The following ASXL3 variants were observed in gnomAD, a reference collection of about 807,000 sequenced individuals.
The protein encoded by ASXL3 is putative Polycomb group protein ASXL3.
ASXL3 carries 34 observed loss-of-function variants against 170.6 expected under a neutral mutation model. The ratio of observed to expected loss-of-function variants is 0.20; its 90% CI spans 0.15 to 0.27. The LOEUF is 0.27. Ranked by LOEUF, ASXL3 falls within the 10% of genes least tolerant of loss-of-function variation. ASXL3 has a pLI of 1.00. For missense variants in ASXL3, 2,592 were observed against 2,695.3 expected (o/e 0.96, Z 0.85); for synonymous variants, 1,002 against 989.1 (o/e 1.01, Z -0.24).
chr18:33,614,534 C>G (rs1413515695), intron 2 of ASXL3: 1 of 152,164 alleles, frequency 6.6e-6, no homozygotes, highest in Admixed American at 6.6e-5. Context: ...TCCTGTGAAT[C>G]ATGAATGTTC....
intron 1 of ASXL3, among the ~76,000 whole-genome samples, chr18:33,602,818 CAT>C (rs1401685030): frequency 7.9e-6 from 1 of 126,050 alleles, no homozygotes; most frequent in Non-Finnish European, 1.7e-5. Context: ...AATAAAATAA[CAT>C]ATGTTGTGTG....
chr18:33,617,312 T>C (rs1362513813), intron 2 of ASXL3, among the ~76,000 whole-genome samples: 1 of 151,996 alleles, frequency 6.6e-6, no homozygotes, highest in Non-Finnish European at 1.5e-5. Flanking sequence ...GCCAACACGG[T>C]GAAACCCATC....
chr18:33,666,599 G>T lies in ASXL3; in HGVS notation c.478-4074G>T, dbSNP rs548170646. ...GATAATCACAAGTTAATTTGCAGAT[G>T]ATTTCTATTATATATGTAGCATAAA... On this transcript the variant is annotated intron_variant, in intron 5 of 11. Transcript: ENST00000269197. Among the ~76,000 whole-genome samples the T allele has an allele frequency of 2.0e-5, 3 of 152,264 alleles. No individual in the cohort carries two copies. In the East Asian group the frequency reaches 5.8e-4, roughly 30 times the overall value.
In ASXL3 at chr18:33,698,221, T is replaced by TA. The variant is rs2066807023; in HGVS notation, c.879+14654dup. Among the ~76,000 whole-genome samples, 4 of 152,244 alleles carry TA rather than the reference T, an allele frequency of 2.6e-5. No homozygotes were observed. The East Asian group carries it at 7.8e-4, about 30-fold the overall frequency. On this transcript the variant is annotated intron_variant, in intron 8 of 11. Coordinates refer to ENST00000269197, the MANE Select transcript of ASXL3 (RefSeq NM_030632.3). ...AGGCCTGCCTGGACTTTCTTTCTCT[T>TA]ATGCCAAGTGAGGACACAGCAACGT...
chr18:33,632,010 G>C (rs1332663175), intron 2 of ASXL3, among the ~76,000 whole-genome samples: 1 of 152,050 alleles, frequency 6.6e-6, no homozygotes, highest in Non-Finnish European at 1.5e-5. Context: ...TTATGTTCAG[G>C]AGTTGGTATA....
At chr18:33,724,279 T>G (rs2145379069) in intron 8 of ASXL3, among the ~76,000 whole-genome samples, 1 of 152,222 alleles carries the variant, frequency 6.6e-6, no homozygotes, top group East Asian at 1.9e-4. Flanking sequence ...CAAAGAATTG[T>G]TTCCTTCAGT....
chr18:33,638,006 G>A (rs933847993), intron 2 of ASXL3, among the ~76,000 whole-genome samples: 4 of 151,886 alleles, frequency 2.6e-5, no homozygotes, highest in Non-Finnish European at 5.9e-5. Flanking sequence ...CATAAATAGA[G>A]TGCTCAATAA....
intron 4 of ASXL3, among the ~76,000 whole-genome samples, chr18:33,659,666 T>C (rs1451399745): frequency 1.3e-5 from 2 of 152,118 alleles, no homozygotes; most frequent in Non-Finnish European, 2.9e-5. Flanking sequence ...TCTTGATAAA[T>C]AAGCTTTGGC....
intron 8 of ASXL3, among the ~76,000 whole-genome samples, chr18:33,699,706 A>G (rs1234267198): frequency 1.3e-5 from 2 of 152,096 alleles, no homozygotes; most frequent in Non-Finnish European, 2.9e-5. Flanking sequence ...CAATGGAACA[A>G]CAAAATGGAG....
intron 8 of ASXL3, among the ~76,000 whole-genome samples, chr18:33,695,720 C>T (rs2145314127): frequency 6.6e-6 from 1 of 152,208 alleles, no homozygotes. Context: ...ACCTGAATAA[C>T]ATACTATTCT....
intron 5 of ASXL3, among the ~76,000 whole-genome samples, chr18:33,667,936 CA>C (rs2066284496): frequency 1.3e-5 from 2 of 152,180 alleles, no homozygotes; most frequent in Admixed American, 6.5e-5. Context: ...ATATAAATAA[CA>C]AAAAATGATA....
chr18:33,629,709 C>T (rs1231185038), intron 2 of ASXL3, among the ~76,000 whole-genome samples: 1 of 151,950 alleles, frequency 6.6e-6, no homozygotes, highest in Non-Finnish European at 1.5e-5. Flanking sequence ...TCAAATAATG[C>T]ACAGGAAATC....
intron 7 of ASXL3, among the ~76,000 whole-genome samples, chr18:33,682,722 A>T (rs1324092741): frequency 6.6e-6 from 1 of 152,028 alleles, no homozygotes; most frequent in Non-Finnish European, 1.5e-5. Flanking sequence ...AATTAAAAAA[A>T]ATTTTTGTGT....
rs1176327549 is a variant in ASXL3, at chr18:33,615,785, A to G, written c.137+8109A>G. Among the ~76,000 whole-genome samples, 2 of 152,114 alleles carry G rather than the reference A, an allele frequency of 1.3e-5. 1 individual carries two copies. Among genetic ancestry groups the G allele is most frequent in the African/African-American group, 4.8e-5 (2 of 41,418 alleles). On this transcript the variant is annotated intron_variant, in intron 2 of 11. Coordinates refer to ENST00000269197, the MANE Select transcript of ASXL3 (RefSeq NM_030632.3). ...TTCTAGTTAGATGGTATCTGGATAAATCTATTATATAATACTCTGATACTA... is the reference window on the plus strand; with the variant it reads ...TTCTAGTTAGATGGTATCTGGATAAGTCTATTATATAATACTCTGATACTA...
intron 8 of ASXL3, among the ~76,000 whole-genome samples, chr18:33,709,507 G>T (rs965056983): frequency 2.0e-5 from 3 of 152,152 alleles, no homozygotes; most frequent in African/African-American, 7.2e-5. Flanking sequence ...CAAATACAAT[G>T]TTGAGCATAA....
chr18:33,708,015 G>A (rs977428854), intron 8 of ASXL3, among the ~76,000 whole-genome samples: 1 of 152,116 alleles, frequency 6.6e-6, no homozygotes, highest in Non-Finnish European at 1.5e-5. Flanking sequence ...TCATGTAAAT[G>A]CAGTTTGCTA....
chr18:33,649,134 A>G (rs1264052950), intron 4 of ASXL3, among the ~76,000 whole-genome samples: 1 of 152,102 alleles, frequency 6.6e-6, no homozygotes, highest in Non-Finnish European at 1.5e-5. Context: ...ATGGGAAACA[A>G]TTGTTAGCAA....
intron 2 of ASXL3, among the ~76,000 whole-genome samples, chr18:33,621,033 C>T (rs1225037786): frequency 6.6e-6 from 1 of 152,104 alleles, no homozygotes; most frequent in Non-Finnish European, 1.5e-5. Context: ...GAGGAAGCTT[C>T]CTCTTCAAAA....
At chr18:33,586,310 A>G (rs1049698591) in intron 1 of ASXL3, among the ~76,000 whole-genome samples, 2 of 151,832 alleles carry the variant, frequency 1.3e-5, no homozygotes, top group Non-Finnish European at 2.9e-5. Context: ...GAACATCAGG[A>G]CTCTTTGTGA....
Sources: allele counts gnomAD v4.1 joint callset (sites outside exome capture counted in the v4.1 genomes callset), GRCh38; gene constraint gnomAD v4.1.1; transcripts MANE v1.5; gene names NCBI Gene and HGNC (gene_info 2026-07-23, HGNC 2026-07-21).